The following AKAP13 variants were observed in gnomAD, a reference collection of about 807,000 sequenced individuals.
AKAP13 encodes A-kinase anchor protein 13.
A neutral mutation model predicts 264.5 loss-of-function variants in AKAP13; 80 were observed. The observed-to-expected ratio is 0.30, with a 90% confidence interval of 0.25 to 0.36. AKAP13 has a LOEUF of 0.36. Ranked by LOEUF, AKAP13 falls within the 10% of genes least tolerant of loss-of-function variation. The pLI is 1.00. For synonymous variants in AKAP13, 1,380 were observed against 1,250.2 expected (o/e 1.10, Z -2.19); for missense variants, 3,712 against 3,435.2 (o/e 1.08, Z -2.01).
intron 19 of AKAP13, among the ~76,000 whole-genome samples, chr15:85,714,517 T>C (rs2086807932): frequency 6.6e-6 from 1 of 152,224 alleles, no homozygotes; most frequent in South Asian, 2.1e-4. Flanking sequence ...AAGAATCACT[T>C]GAGCCTGTAA....
At chr15:85,660,914 T>G (rs1414119565) in intron 12 of AKAP13, among the ~76,000 whole-genome samples, 1 of 152,198 alleles carries the variant, frequency 6.6e-6, no homozygotes, top group African/African-American at 2.4e-5. Context: ...TTTCCTTGTC[T>G]CCTTTCTCCA....
At chr15:85,432,293 A>G (rs2073059077) in intron 1 of AKAP13, among the ~76,000 whole-genome samples, 1 of 152,004 alleles carries the variant, frequency 6.6e-6, no homozygotes, top group African/African-American at 2.4e-5. Context: ...ATGCAAGCTA[A>G]CATATTTATT....
intron 4 of AKAP13, among the ~76,000 whole-genome samples, chr15:85,542,754 G>C (rs1056747570): frequency 2.6e-5 from 4 of 152,238 alleles, no homozygotes; most frequent in African/African-American, 9.6e-5. Flanking sequence ...AGTATTGCTA[G>C]TGAACCTTGA....
At chr15:85,467,153 C>G (rs1265282912) in intron 1 of AKAP13, among the ~76,000 whole-genome samples, 1 of 151,962 alleles carries the variant, frequency 6.6e-6, no homozygotes, top group Non-Finnish European at 1.5e-5. Flanking sequence ...TCTTGGCACC[C>G]ATTTTATACT....
intron 16 of AKAP13, among the ~76,000 whole-genome samples, chr15:85,691,629 C>A (rs1042976065): frequency 3.3e-5 from 5 of 152,184 alleles, no homozygotes; most frequent in Admixed American, 6.5e-5. Context: ...CCAACTTAAT[C>A]TGGCACTTAG....
Position 85,580,511 on chromosome 15 carries a change from A to C in AKAP13, c.2443A>C (p.Thr815Pro), listed in dbSNP as rs370596454. ...VPSQKEKGTATPELHTATDYR... is the reference protein window; with the variant it reads ...VPSQKEKGTAPPELHTATDYR... ...CTCCCAGAAAGAAAAGGGAACAGCA[A>C]CTCCTGAACTACATACAGCTACAGA... Residue 815 changes from threonine to proline, a missense_variant, in exon 7 of 37, where the codon ACT becomes CCT. Physicochemically the swap from Thr to Pro is conservative, Grantham distance 38. Around this residue, in one of 3 missense-constraint regions of AKAP13, gnomAD observed 2,759 missense variants for 2,411.7 expected, o/e 1.14. Transcript: ENST00000394518. The C allele has an allele frequency of 1.9e-6, 3 of 1,614,184 alleles. No homozygotes were observed. The East Asian group carries it at 6.7e-5, about 36-fold the overall frequency.
Position 85,582,227 on chromosome 15 carries a change from A to T in AKAP13, c.4039+120A>T, listed in dbSNP as rs116642160. 2,369 of 1,133,134 alleles carry T rather than the reference A, an allele frequency of 2.1e-3. 38 individuals are homozygous for T. In the African/African-American group the frequency reaches 0.033, roughly 16 times the overall value. 70.2% of individuals were successfully genotyped at this position (1,133,134 alleles called of 1,614,324 possible). Reference sequence around the variant, plus strand: ...TTTTGAGGCCTTGCACTCATTGGGTAGGTAGCCAAGTTAATAGTCACCACC... The same window carrying T: ...TTTTGAGGCCTTGCACTCATTGGGTTGGTAGCCAAGTTAATAGTCACCACC... On this transcript the variant is annotated intron_variant, in intron 7 of 36. Transcript: ENST00000394518.
rs558010351 is a variant in AKAP13, at chr15:85,409,070, GTAGT to G, written c.-12+28277_-12+28280del. Among the ~76,000 whole-genome samples the G allele has an allele frequency of 2.5e-4, 38 of 151,830 alleles. 1 individual carries two copies. Among genetic ancestry groups the G allele is most frequent in the African/African-American group, 7.3e-4 (30 of 41,154 alleles). Reference sequence around the variant, plus strand: ...TGTGGTTTTGATTTGCATTTTTCTAGTAGTTAGTGATGTGAGCATCTTTTTATGT... The same window carrying G: ...TGTGGTTTTGATTTGCATTTTTCTAGTAGTGATGTGAGCATCTTTTTATGT... On this transcript the variant is annotated intron_variant, in intron 1 of 36. Transcript: ENST00000394518.
At chr15:85,729,318 A>G (rs1250507160) in intron 29 of AKAP13, among the ~76,000 whole-genome samples, 2 of 152,118 alleles carry the variant, frequency 1.3e-5, no homozygotes, top group African/African-American at 4.8e-5. Context: ...TGTCTCAAAA[A>G]AAAAGAGTCT....
chr15:85,536,955 G>A (rs2077421656), intron 4 of AKAP13: 2 of 152,096 alleles, frequency 1.3e-5, no homozygotes, highest in Non-Finnish European at 2.9e-5. Flanking sequence ...TCCCCTAAAG[G>A]TGAATTTTAT....
chr15:85,630,810 T>G (rs1383144196), intron 8 of AKAP13, among the ~76,000 whole-genome samples: 1 of 152,116 alleles, frequency 6.6e-6, no homozygotes, highest in South Asian at 2.1e-4. Flanking sequence ...TTGACAAGAA[T>G]GTAGAAAAAT....
chr15:85,562,564 C>CAA (rs1253215813), intron 5 of AKAP13, among the ~76,000 whole-genome samples: 1,067 of 33,802 alleles, frequency 0.032, 47 homozygotes, highest in African/African-American at 0.055. Context: ...GAATCTGCCT[C>CAA]AAAAAAAAAA....
At chr15:85,509,039 AT>A (rs2076332263) in intron 2 of AKAP13, among the ~76,000 whole-genome samples, 1 of 152,168 alleles carries the variant, frequency 6.6e-6, no homozygotes, top group South Asian at 2.1e-4. Flanking sequence ...ACTTTCTATA[AT>A]TTGTCTTACC....
intron 2 of AKAP13, among the ~76,000 whole-genome samples, chr15:85,501,433 C>T (rs918473849): frequency 4.6e-5 from 7 of 152,044 alleles, no homozygotes; most frequent in African/African-American, 1.7e-4. Flanking sequence ...AATGAAGTAC[C>T]GATATTTCAG....
chr15:85,727,569 C>T lies in AKAP13; in HGVS notation c.7087+106C>T, dbSNP rs983049947. The T allele has an allele frequency of 2.8e-5, 35 of 1,229,020 alleles. No individual in the cohort carries two copies. The South Asian group carries it at 3.7e-4, about 13-fold the overall frequency. The allele number at this position is 1,229,020 out of a possible 1,614,324, so 76.1% of individuals were successfully genotyped here. A position where few individuals can be genotyped will look rare whatever the true frequency, so the allele number is the denominator to read the frequency against. The stretch of plus-strand genomic sequence containing the variant: ...GGGTTTGCCCTCAGTTCTAAAGCTG[C>T]CCCAGCAGGCACTTGAAAGCAGCAA... On this transcript the variant is annotated intron_variant, in intron 29 of 36. Coordinates refer to ENST00000394518, the MANE Select transcript of AKAP13 (RefSeq NM_007200.5). This position sits in a 1 kb window ranked among gnomAD's most constrained non-coding sequence, Gnocchi z 5.3.
At position 85,655,657 on chromosome 15, in the gene AKAP13, G is replaced by A; in HGVS notation, c.4615G>A (p.Asp1539Asn). 1 of 1,614,224 alleles carries A rather than the reference G, an allele frequency of 6.2e-7. No homozygotes were observed. The highest frequency in any genetic ancestry group is 8.5e-7 in the Non-Finnish European group (1 of 1,180,048). ...DPGDVEEEEM[D>N]SITEVPANCS... ...AGGCGACGTGGAGGAGGAGGAGATG[G>A]ACAGTATCACTGAAGTGCCTGCAAA... The change falls in exon 11 of 37, where the codon GAC becomes AAC. Residue 1539 changes from aspartate (D) to asparagine (N), a missense_variant. Asp to Asn is a conservative substitution (Grantham distance 23). This residue lies in a region of AKAP13 where 2,759 missense variants were observed against 2,411.7 expected (regional missense o/e 1.14). Transcript: ENST00000394518.
chr15:85,603,514 A>G (rs2080184853), intron 8 of AKAP13, among the ~76,000 whole-genome samples: 1 of 152,202 alleles, frequency 6.6e-6, no homozygotes, highest in Non-Finnish European at 1.5e-5. Flanking sequence ...TGTCTAGCCC[A>G]TGTTGCAGAT....
At chr15:85,515,852 A>G (rs1288115855) in intron 2 of AKAP13, among the ~76,000 whole-genome samples, 1 of 136,304 alleles carries the variant, frequency 7.3e-6, no homozygotes, top group Non-Finnish European at 1.6e-5. Flanking sequence ...TTTTTTTTTT[A>G]AATCATTTGA....
At chr15:85,573,051 A>G (rs1247743395) in intron 5 of AKAP13, among the ~76,000 whole-genome samples, 5 of 152,220 alleles carry the variant, frequency 3.3e-5, no homozygotes, top group Admixed American at 1.3e-4. Context: ...TAAAATTCCA[A>G]TTAGTCTCAG....
Sources: allele counts gnomAD v4.1 joint callset (sites outside exome capture counted in the v4.1 genomes callset), GRCh38; gene constraint gnomAD v4.1.1; regional missense constraint gnomAD v4.1.1; non-coding constraint Gnocchi (gnomAD v3.1); transcripts MANE v1.5; gene names NCBI Gene and HGNC (gene_info 2026-07-23, HGNC 2026-07-21).